The following USP39 variants were observed in gnomAD, a reference collection of about 807,000 sequenced individuals.
USP39 encodes the protein ubiquitin specific peptidase 39.
USP39 carries 38 observed loss-of-function variants against 66.4 expected under a neutral mutation model. That is an observed-to-expected ratio of 0.57 (90% confidence interval 0.44 to 0.75). The LOEUF is 0.75. Ranked by LOEUF, USP39 falls within the 30% of genes least tolerant of loss-of-function variation. The pLI is 0.00. For missense variants in USP39, 608 were observed against 714.4 expected (o/e 0.85, Z 1.70); for synonymous variants, 303 against 274.6 (o/e 1.10, Z -1.02).
At chr2:85,611,522 G>C, upstream of USP39, 3 of 1,551,050 alleles carry the variant, frequency 1.9e-6, no homozygotes, top group South Asian at 3.6e-5. Flanking sequence ...ATTCAGCGGA[G>C]ATTTGGGAGC....
chr2:85,628,131 C>T (rs932591214), intron 5 of USP39, among the ~76,000 whole-genome samples: 1 of 151,996 alleles, frequency 6.6e-6, no homozygotes, highest in African/African-American at 2.4e-5. Flanking sequence ...CTCTTAAATC[C>T]TCTCATGGCT....
rs58612657 is a variant in USP39 at position 85,621,875 on chromosome 2, G to GAGTCCCACTA, written c.433+296_433+297insAGTCCCACTA. Among the ~76,000 whole-genome samples the GAGTCCCACTA allele has an allele frequency of 5.1e-4, 77 of 151,692 alleles. 2 individuals are homozygous for GAGTCCCACTA. The South Asian group carries it at 0.011, about 22-fold the overall frequency. Reference sequence around the variant, plus strand: ...ACTTTTTTAAAATTATTTTGAGACAGTGTTGCCCAGGTTGGCTCACTGCAA... The same window carrying GAGTCCCACTA: ...ACTTTTTTAAAATTATTTTGAGACAGAGTCCCACTATGTTGCCCAGGTTGGCTCACTGCAA... On this transcript the variant is annotated intron_variant, in intron 3 of 12. Coordinates refer to ENST00000323701, the MANE Select transcript of USP39 (RefSeq NM_006590.4).
upstream of USP39, chr2:85,611,734 G>A: frequency 6.2e-7 from 1 of 1,608,710 alleles, no homozygotes; most frequent in Non-Finnish European, 8.5e-7. Context: ...GGCGTGTGCC[G>A]CCTCCTCACC....
upstream of USP39, among the ~76,000 whole-genome samples, chr2:85,610,013 GTTTTTTT>G (rs552989319): frequency 8.0e-6 from 1 of 125,140 alleles, no homozygotes; most frequent in Admixed American, 7.9e-5. Context: ...AGTGTAAGTG[GTTTTTTT>G]TTTTTTTTTT....
intron 2 of USP39, among the ~76,000 whole-genome samples, chr2:85,620,061 T>A (rs569994096): frequency 6.6e-6 from 1 of 151,982 alleles, no homozygotes; most frequent in Non-Finnish European, 1.5e-5. Context: ...TTTCATCATG[T>A]TGGCCAGGCT....
At chr2:85,624,105 G>A (rs1424709361) in intron 4 of USP39, among the ~76,000 whole-genome samples, 2 of 152,142 alleles carry the variant, frequency 1.3e-5, no homozygotes, top group Non-Finnish European at 1.5e-5. Context: ...AATTGGTCCT[G>A]GTGTAGGACA....
In USP39 at chr2:85,639,189, T is replaced by C; in HGVS notation, c.1096-14T>C. 1 of 1,607,856 alleles carries C rather than the reference T, an allele frequency of 6.2e-7. No homozygotes were observed. ...CACACTCCTTTCCTCTCTTTTCTTC[T>C]CATTCATTTCTAGCCAGCAGAAGAA... is the stretch of plus-strand genomic sequence containing the variant. On this transcript the variant is annotated splice_polypyrimidine_tract_variant and intron_variant, in intron 8 of 12. Transcript: ENST00000323701.
At chr2:85,604,032 C>A (rs906098398) in intron 1 of USP39, among the ~76,000 whole-genome samples, 1 of 152,174 alleles carries the variant, frequency 6.6e-6, no homozygotes, top group Admixed American at 6.5e-5. Context: ...GGTGCACAGG[C>A]GCAGGTTGCC....
intron 10 of USP39, 147 bp from the exon 11 acceptor site, chr2:85,644,801 A>C: frequency 1.0e-6 from 1 of 979,216 alleles, no homozygotes; most frequent in Non-Finnish European, 1.5e-6. Flanking sequence ...ATTCCAACGC[A>C]CCTGGACCTT....
chr2:85,626,010 TG>T (rs1674830026), intron 5 of USP39, among the ~76,000 whole-genome samples: 1 of 146,672 alleles, frequency 6.8e-6, no homozygotes, highest in Non-Finnish European at 1.5e-5. Context: ...AGTGAGACTC[TG>T]TTTCAAGAAA....
chr2:85,607,392 G>C (rs1188485645), upstream of USP39: 1 of 152,170 alleles, frequency 6.6e-6, no homozygotes, highest in Non-Finnish European at 1.5e-5. Flanking sequence ...CCTAAGTAGA[G>C]GACAAAGACT....
intron 3 of USP39, among the ~76,000 whole-genome samples, chr2:85,622,009 G>A (rs1433259386): frequency 3.9e-5 from 6 of 152,008 alleles, no homozygotes; most frequent in Non-Finnish European, 8.8e-5. Flanking sequence ...TAGTAGAAAC[G>A]GGGTTTCACC....
upstream of USP39, chr2:85,611,409 C>A: frequency 6.7e-7 from 1 of 1,502,366 alleles, no homozygotes; most frequent in Non-Finnish European, 8.9e-7. Flanking sequence ...AAATACAGCA[C>A]GGTGGGGCAA....
chr2:85,636,116 A>G lies in USP39; in HGVS notation c.1013A>G (p.Lys338Arg), dbSNP rs200622671. The G allele has an allele frequency of 1.9e-6, 3 of 1,613,740 alleles. No homozygotes were observed. In the East Asian group the frequency reaches 6.7e-5, roughly 36 times the overall value. Residue 338 changes from lysine to arginine, a missense_variant, in exon 7 of 13, where the codon AAG (lysine) becomes AGG (arginine). Physicochemically the swap from Lys to Arg is conservative, Grantham distance 26 (BLOSUM62 2). Coordinates refer to ENST00000323701, the MANE Select transcript of USP39 (RefSeq NM_006590.4). The stretch of plus-strand genomic sequence containing the variant: ...CTGCACTCAGCTCTGGGGGGCACAA[A>G]GAAGAAAAAGAAGAGTAAGTCATTT... ...NALHSALGGT[K>R]KKKKTIVTDV...
intron 1 of USP39, among the ~76,000 whole-genome samples, chr2:85,618,874 A>G (rs1013426419): frequency 2.6e-5 from 4 of 151,980 alleles, no homozygotes; most frequent in African/African-American, 9.7e-5. Context: ...GGTTCAAGCA[A>G]TTATCCTGCC....
In USP39 at chr2:85,623,792, T is replaced by C. The variant is rs1674642378; in HGVS notation, c.570+10T>C. On this transcript the variant is annotated intron_variant, in intron 4 of 12. Coordinates refer to ENST00000323701, the MANE Select transcript of USP39 (RefSeq NM_006590.4). Reference sequence around the variant, plus strand: ...ATTGGAGGATATCACGGTGTGTGTCTAAGAGGGTTGGTTTGGGGTCCATTC... The same window carrying C: ...ATTGGAGGATATCACGGTGTGTGTCCAAGAGGGTTGGTTTGGGGTCCATTC... 1 of 1,606,866 alleles carries C rather than the reference T, an allele frequency of 6.2e-7. No individual in the cohort carries two copies. The highest frequency in any genetic ancestry group is 8.5e-7 in the Non-Finnish European group (1 of 1,176,842).
At chr2:85,636,303 A>G (rs1027968809) in intron 7 of USP39, among the ~76,000 whole-genome samples, 173 bp downstream of exon 7, 1 of 152,108 alleles carries the variant, frequency 6.6e-6, no homozygotes, top group African/African-American at 2.4e-5. Context: ...CCCCATCTCT[A>G]CCAAAAATAC....
chr2:85,622,056 G>A (rs965283665), intron 3 of USP39, among the ~76,000 whole-genome samples: 1 of 152,056 alleles, frequency 6.6e-6, no homozygotes, highest in African/African-American at 2.4e-5. Flanking sequence ...CTGGCCGCAG[G>A]TGATCCACCT....
In USP39 at chr2:85,648,843, G is replaced by A; in HGVS notation, c.*35G>A. The A allele has an allele frequency of 6.2e-7, 1 of 1,612,310 alleles. No individual in the cohort carries two copies. Among genetic ancestry groups the A allele is most frequent in the Non-Finnish European group, 8.5e-7 (1 of 1,179,216 alleles). On this transcript the variant is annotated 3_prime_UTR_variant, in exon 13 of 13. Coordinates refer to ENST00000323701, the MANE Select transcript of USP39 (RefSeq NM_006590.4). Reference sequence around the variant, plus strand: ...CTAGGGCTTTGCTCCCAAGGGCTGTGGCTGATGATGGTAAATAAGAACACA... The same window carrying A: ...CTAGGGCTTTGCTCCCAAGGGCTGTAGCTGATGATGGTAAATAAGAACACA...
Sources: gnomAD v4.1 joint callset for allele counts (sites outside exome capture counted in the v4.1 genomes callset) on GRCh38, gnomAD v4.1.1 for gene constraint, MANE v1.5 for transcripts, NCBI Gene and HGNC (gene_info 2026-07-23, HGNC 2026-07-21) for gene names.